Variants in CSMD1 observed in about 807,000 individuals in gnomAD.
The protein encoded by CSMD1 is CUB and sushi domain-containing protein 1.
A neutral mutation model predicts 417.5 loss-of-function variants in CSMD1; 213 were observed. The observed-to-expected ratio is 0.51, with a 90% CI of 0.46 to 0.57. The LOEUF is 0.57. Among genes scored for constraint, CSMD1 ranks in the 20% least tolerant of loss-of-function variants. CSMD1 has a pLI of 0.00. For missense variants in CSMD1, 6,923 were observed against 4,529.7 expected, an observed-to-expected ratio of 1.53 and a Z score of -15.17; for synonymous variants, 2,862 against 1,736.8, an observed-to-expected ratio of 1.65 and a Z score of -16.11.
chr8:3,330,128 G>T (rs561091100), intron 23 of CSMD1, among the ~76,000 whole-genome samples: 8 of 152,112 alleles, frequency 5.3e-5, no homozygotes, highest in Non-Finnish European at 1.2e-4. Flanking sequence ...GAGCCCTGCA[G>T]ACAGAAATGT....
chr8:4,456,930 T>C (rs1337784537), intron 2 of CSMD1, among the ~76,000 whole-genome samples: 1 of 149,974 alleles, frequency 6.7e-6, no homozygotes, highest in Non-Finnish European at 1.5e-5. Flanking sequence ...CTGTTTATCC[T>C]GAGCATGGCA....
chr8:4,517,114 C>T (rs972449075), intron 2 of CSMD1, among the ~76,000 whole-genome samples: 1 of 152,096 alleles, frequency 6.6e-6, no homozygotes, highest in African/African-American at 2.4e-5. Context: ...CTGTAGAAGA[C>T]TGCTTAAATG....
At chr8:3,389,199 G>C (rs5023363) in intron 17 of CSMD1, among the ~76,000 whole-genome samples, 2 of 151,894 alleles carry the variant, frequency 1.3e-5, no homozygotes, top group Admixed American at 6.6e-5. Flanking sequence ...TTGTTGTACA[G>C]ATTATTTCCT....
chr8:3,312,038 T>G (rs1352957677), intron 23 of CSMD1, among the ~76,000 whole-genome samples: 1 of 152,182 alleles, frequency 6.6e-6, no homozygotes, highest in African/African-American at 2.4e-5. Context: ...AAGAAACATT[T>G]TCCTCTACCC....
intron 1 of CSMD1, among the ~76,000 whole-genome samples, chr8:4,669,698 T>G (rs1481530477): frequency 1.3e-5 from 2 of 152,178 alleles, no homozygotes; most frequent in Non-Finnish European, 2.9e-5. Flanking sequence ...ACTTGAACAT[T>G]TCTGCTGTTT....
At chr8:4,855,280 A>C (rs1801730847) in intron 1 of CSMD1, among the ~76,000 whole-genome samples, 1 of 151,840 alleles carries the variant, frequency 6.6e-6, no homozygotes, top group Non-Finnish European at 1.5e-5. Context: ...CCATCATCAA[A>C]GACCAAAAGT....
intron 49 of CSMD1, among the ~76,000 whole-genome samples, chr8:3,067,268 A>G (rs1446174754): frequency 2.0e-5 from 3 of 151,962 alleles, no homozygotes; most frequent in African/African-American, 7.3e-5. Context: ...CACCATTTCC[A>G]CCATGTACAA....
intron 1 of CSMD1, among the ~76,000 whole-genome samples, chr8:4,807,838 G>A (rs1798679340): frequency 6.6e-6 from 1 of 152,022 alleles, no homozygotes; most frequent in African/African-American, 2.4e-5. Flanking sequence ...ATAATAGCAA[G>A]CTATGTTATT....
At chr8:4,507,609 A>G (rs1257825136) in intron 2 of CSMD1, among the ~76,000 whole-genome samples, 1 of 152,184 alleles carries the variant, frequency 6.6e-6, no homozygotes, top group Non-Finnish European at 1.5e-5. Context: ...ATTGGTGGAA[A>G]CATCTATTTC....
intron 7 of CSMD1, among the ~76,000 whole-genome samples, chr8:3,670,218 G>A (rs1179233318): frequency 6.6e-6 from 1 of 151,942 alleles, no homozygotes; most frequent in Non-Finnish European, 1.5e-5. Flanking sequence ...CTAATCAGCT[G>A]CCAGAGAATA....
At chr8:3,700,752 TCA>T (rs2129036809) in intron 7 of CSMD1, 1 of 152,276 alleles carries the variant, frequency 6.6e-6, no homozygotes, top group South Asian at 2.1e-4. Context: ...TCCAATGTCC[TCA>T]AGAAACAGCC....
rs187161546 is a variant in CSMD1 at position 4,426,078 on chromosome 8, G to A, written c.303-6013C>T. On this transcript the variant is annotated intron_variant, in intron 2 of 69. Transcript: ENST00000635120. ...GAAGAAAACTGGCCATAAATAAAAG[G>A]AATTATTTTGAAAAAAAAAAAAATC... Among the ~76,000 whole-genome samples, 124 of 147,638 alleles carry A rather than the reference G, an allele frequency of 8.4e-4. No homozygotes were observed. In the East Asian group the frequency reaches 0.018, roughly 21 times the overall value.
At chr8:3,831,148 C>A (rs1183790239) in intron 5 of CSMD1, among the ~76,000 whole-genome samples, 1 of 152,084 alleles carries the variant, frequency 6.6e-6, no homozygotes, top group African/African-American at 2.4e-5. Context: ...TTTCACAATT[C>A]AAAAGAAACC....
chr8:4,307,290 A>T (rs62478631), intron 3 of CSMD1, among the ~76,000 whole-genome samples: 10,229 of 152,154 alleles, frequency 0.067, 452 homozygotes, highest in Non-Finnish European at 0.095. Context: ...TCACATATAT[A>T]TATTAATCCC....
chr8:3,416,890 T>G (rs1256222573), intron 12 of CSMD1, among the ~76,000 whole-genome samples: 1 of 152,256 alleles, frequency 6.6e-6, no homozygotes, highest in Non-Finnish European at 1.5e-5. Flanking sequence ...GAAAGTTCTT[T>G]GTATAAAACC....
At chr8:4,038,232 T>G (rs998615037) in intron 3 of CSMD1, among the ~76,000 whole-genome samples, 2 of 152,132 alleles carry the variant, frequency 1.3e-5, no homozygotes, top group African/African-American at 4.8e-5. Flanking sequence ...AAAATTTTAA[T>G]GGGAACAATG....
intron 7 of CSMD1, among the ~76,000 whole-genome samples, chr8:3,638,590 G>A (rs754487084): frequency 1.3e-5 from 2 of 152,124 alleles, no homozygotes; most frequent in Non-Finnish European, 2.9e-5. Context: ...ATCTGGAAAG[G>A]GTCAGAATGT....
At chr8:4,629,828 T>G (rs768870547) in intron 2 of CSMD1, among the ~76,000 whole-genome samples, 2 of 152,220 alleles carry the variant, frequency 1.3e-5, no homozygotes, top group African/African-American at 4.8e-5. Flanking sequence ...AATAATAGTG[T>G]CATGTTGCAA....
chr8:4,862,676 G>A (rs1802205417), intron 1 of CSMD1, among the ~76,000 whole-genome samples: 2 of 152,154 alleles, frequency 1.3e-5, no homozygotes, highest in South Asian at 2.1e-4. Flanking sequence ...ACCTGCAAGT[G>A]CCATTTACTG....
Sources: gnomAD v4.1 joint callset for allele counts (sites outside exome capture counted in the v4.1 genomes callset) on GRCh38, gnomAD v4.1.1 for gene constraint, MANE v1.5 for transcripts, NCBI Gene and HGNC (gene_info 2026-07-23, HGNC 2026-07-21) for gene names.